UGP2: variants seen among roughly 807,000 people sequenced by gnomAD.
The protein encoded by UGP2 is UTP--glucose-1-phosphate uridylyltransferase.
A neutral mutation model predicts 49.0 loss-of-function variants in UGP2; 40 were observed. That is an observed-to-expected ratio of 0.82 (90% CI 0.63 to 1.06). UGP2 has a LOEUF of 1.06. Among genes scored for constraint, UGP2 ranks in the 50% least tolerant of loss-of-function variants. The pLI, the probability that UGP2 is intolerant of heterozygous loss-of-function variation, is 0.00. For synonymous variants in UGP2, 225 were observed against 213.0 expected (o/e 1.06, Z -0.49); for missense variants, 460 against 603.5 (o/e 0.76, Z 2.49).
At chr2:63,849,821 C>G (rs763679776) in intron 1 of UGP2, among the ~76,000 whole-genome samples, 4 of 152,140 alleles carry the variant, frequency 2.6e-5, no homozygotes, top group Non-Finnish European at 5.9e-5. Context: ...TCTCTGGGCC[C>G]CTGTTTCTTT....
At chr2:63,851,095 G>A (rs981631507) in intron 1 of UGP2, among the ~76,000 whole-genome samples, 2 of 152,080 alleles carry the variant, frequency 1.3e-5, no homozygotes, top group Non-Finnish European at 2.9e-5. Flanking sequence ...GCATGTAATA[G>A]GTAACTTAGT....
At chr2:63,880,588 G>C (rs550836691) in intron 3 of UGP2, among the ~76,000 whole-genome samples, 7 of 152,256 alleles carry the variant, frequency 4.6e-5, no homozygotes, top group African/African-American at 1.7e-4. Flanking sequence ...GACATAAATT[G>C]GAAGTTTTTC....
intron 9 of UGP2, 131 bp downstream of exon 9, chr2:63,890,316 T>C: frequency 1.6e-6 from 1 of 626,962 alleles, no homozygotes; most frequent in Non-Finnish European, 2.7e-6. Context: ...AGTGTAATTA[T>C]TTTACTGAAA....
At chr2:63,872,443 CT>C (rs1387526576) in intron 3 of UGP2, among the ~76,000 whole-genome samples, 4 of 152,146 alleles carry the variant, frequency 2.6e-5, no homozygotes, top group Non-Finnish European at 4.4e-5. Flanking sequence ...GGGCCAGGCA[CT>C]TTGCTAAGCA....
Position 63,890,025 on chromosome 2 carries a change from CTG to C in UGP2, c.1315-54_1315-53del, listed in dbSNP as rs906534350. Reference sequence around the variant, plus strand: ...TTAAACTTTCTTGTTAATATTTTTCCTGTCTTTCTTTGAACCCATTTGAGACA... The same window carrying C: ...TTAAACTTTCTTGTTAATATTTTTCCTCTTTCTTTGAACCCATTTGAGACA... On this transcript the variant is annotated intron_variant, in intron 8 of 9. Coordinates refer to ENST00000337130, the MANE Select transcript of UGP2 (RefSeq NM_006759.4). 3.9e-5 allele frequency: 51 copies of C among 1,321,664 alleles called. No individual in the cohort carries two copies. In the Admixed American group the frequency reaches 1.0e-3, roughly 27 times the overall value. 81.9% of individuals were successfully genotyped at this position (1,321,664 alleles called of 1,614,324 possible).
intron 3 of UGP2, among the ~76,000 whole-genome samples, chr2:63,858,642 AT>A (rs745683080): frequency 2.7e-5 from 4 of 150,680 alleles, no homozygotes; most frequent in African/African-American, 2.4e-5. Context: ...TACAATATGC[AT>A]TTTTTTTTAG....
At chr2:63,863,529 G>A (rs1278756228) in intron 3 of UGP2, among the ~76,000 whole-genome samples, 1 of 152,114 alleles carries the variant, frequency 6.6e-6, no homozygotes, top group East Asian at 1.9e-4. Flanking sequence ...ATATCAAGAG[G>A]AAGAAATAAA....
chr2:63,885,591 A>T lies in UGP2; in HGVS notation c.578A>T (p.Tyr193Phe). 6.5e-7 allele frequency: 1 copy of T among 1,541,376 alleles called. No individual in the cohort carries two copies. Among genetic ancestry groups the T allele is most frequent in the Non-Finnish European group, 8.7e-7 (1 of 1,150,616 alleles). The change falls in exon 6 of 10, where the codon TAC (tyrosine) becomes TTC (phenylalanine). Residue 193 changes from tyrosine (Y) to phenylalanine (F), a missense_variant and splice_region_variant. Coordinates refer to ENST00000337130, the MANE Select transcript of UGP2 (RefSeq NM_006759.4). ...VKIYTFNQSRYPRINKESLLP... is the reference protein window; with the variant it reads ...VKIYTFNQSRFPRINKESLLP... ...AAAGAACTTTTTTTTTTTTAAAGGTACCCGAGGATTAATAAAGAATCTTTA... is the reference window on the plus strand; with the variant it reads ...AAAGAACTTTTTTTTTTTTAAAGGTTCCCGAGGATTAATAAAGAATCTTTA...
At chr2:63,867,684 A>T (rs115148321) in intron 3 of UGP2, among the ~76,000 whole-genome samples, 2,683 of 152,298 alleles carry the variant, frequency 0.018, 33 homozygotes, top group Non-Finnish European at 0.022. Flanking sequence ...TATGTTTGTT[A>T]TCAGTGTACT....
At chr2:63,841,585 G>C (rs1047221730), upstream of UGP2, 3 of 152,318 alleles carry the variant, frequency 2.0e-5, no homozygotes, top group Admixed American at 1.3e-4. Flanking sequence ...CAGCCAGAGC[G>C]TGGAATTGGT....
intron 1 of UGP2, among the ~76,000 whole-genome samples, chr2:63,843,761 A>T (rs991323125): frequency 1.3e-5 from 2 of 152,246 alleles, no homozygotes; most frequent in African/African-American, 2.4e-5. Flanking sequence ...CACATTTGTC[A>T]AAACTAAGAA....
At chr2:63,863,689 A>G (rs1669997532) in intron 3 of UGP2, among the ~76,000 whole-genome samples, 1 of 152,242 alleles carries the variant, frequency 6.6e-6, no homozygotes. Context: ...TTATAAAGCT[A>G]TCCAAGCTAA....
rs1671574562 is a variant in UGP2, at chr2:63,841,930, G to T, written c.-256G>T. Reference sequence around the variant, plus strand: ...CAGCTGGCCCTCATTTGTGTCCGGAGCTCAGGAGTTCCCAAACCGACTCAG... The same window carrying T: ...CAGCTGGCCCTCATTTGTGTCCGGATCTCAGGAGTTCCCAAACCGACTCAG... On this transcript the variant is annotated 5_prime_UTR_variant, in exon 1 of 10. Transcript: ENST00000337130. 2.3e-6 allele frequency: 1 copy of T among 438,848 alleles called. No individual in the cohort carries two copies. Among genetic ancestry groups the T allele is most frequent in the Non-Finnish European group, 4.0e-6 (1 of 248,904 alleles). 27.2% of individuals were successfully genotyped at this position (438,848 alleles called of 1,614,324 possible).
intron 4 of UGP2, 136 bp downstream of exon 4, chr2:63,882,787 G>C: frequency 1.0e-6 from 1 of 984,900 alleles, no homozygotes. Context: ...CTTTATTGGT[G>C]GAAAAAAGGT....
intron 8 of UGP2, chr2:63,887,906 T>TGATGTGA: frequency 2.5e-6 from 1 of 403,528 alleles, no homozygotes; most frequent in South Asian, 3.2e-5. Flanking sequence ...AGACCAGTAC[T>TGATGTGA]GCTTTCATCA....
At chr2:63,843,317 T>TAACA (rs1671709131) in intron 1 of UGP2, among the ~76,000 whole-genome samples, 2 of 152,254 alleles carry the variant, frequency 1.3e-5, no homozygotes, top group Non-Finnish European at 2.9e-5. Context: ...CACTTGTTAT[T>TAACA]AGACTTTCAA....
At chr2:63,873,571 G>A (rs541777897) in intron 3 of UGP2, among the ~76,000 whole-genome samples, 4 of 152,096 alleles carry the variant, frequency 2.6e-5, no homozygotes, top group Admixed American at 1.3e-4. Flanking sequence ...GTAAATCGCC[G>A]GTCTTAGCTG....
At chr2:63,844,957 C>T (rs1671831982) in intron 1 of UGP2, among the ~76,000 whole-genome samples, 2 of 152,274 alleles carry the variant, frequency 1.3e-5, no homozygotes, top group South Asian at 2.1e-4. Flanking sequence ...GCCTGTTTCT[C>T]CAGCTAGACT....
intron 3 of UGP2, among the ~76,000 whole-genome samples, chr2:63,880,455 C>T (rs1200705420): frequency 6.6e-6 from 1 of 152,102 alleles, no homozygotes; most frequent in African/African-American, 2.4e-5. Context: ...CCACCGCATC[C>T]AGCCTGTTTC....
Sources: gnomAD v4.1 joint callset for allele counts (sites outside exome capture counted in the v4.1 genomes callset) on GRCh38, gnomAD v4.1.1 for gene constraint, MANE v1.5 for transcripts, NCBI Gene and HGNC (gene_info 2026-07-23, HGNC 2026-07-21) for gene names.